Variants in ZEB1 observed in about 807,000 individuals in gnomAD.
ZEB1 encodes zinc finger E-box-binding homeobox 1.
Under a neutral mutation model 84.9 loss-of-function variants are expected in ZEB1, and 21 were observed. The ratio of observed to expected loss-of-function variants is 0.25; its 90% confidence interval spans 0.18 to 0.36. ZEB1 has a LOEUF of 0.36. Among genes scored for constraint, ZEB1 ranks in the 10% least tolerant of loss-of-function variants. The probability of loss-of-function intolerance (pLI) is 1.00; values close to 1 mark genes in which losing one functional copy is unlikely to be tolerated. For missense variants in ZEB1, 1,104 were observed against 1,330.2 expected, an observed-to-expected ratio of 0.83 and a Z score of 2.65; for synonymous variants, 420 against 471.1, an observed-to-expected ratio of 0.89 and a Z score of 1.41.
intron 1 of ZEB1, among the ~76,000 whole-genome samples, chr10:31,322,240 C>A (rs1202147563): frequency 1.3e-5 from 2 of 152,154 alleles, no homozygotes; most frequent in African/African-American, 2.4e-5. Context: ...TGTTGTGAAA[C>A]CTCAGTATAT....
At chr10:31,477,661 G>T (rs1425843554) in intron 2 of ZEB1, among the ~76,000 whole-genome samples, 1 of 151,588 alleles carries the variant, frequency 6.6e-6, no homozygotes, top group African/African-American at 2.4e-5. Flanking sequence ...TGATAAAGAT[G>T]GACACATAGA....
chr10:31,465,421 T>A (rs2062289306), intron 2 of ZEB1, among the ~76,000 whole-genome samples: 1 of 151,510 alleles, frequency 6.6e-6, no homozygotes, highest in Non-Finnish European at 1.5e-5. Context: ...AAAAAAACTG[T>A]GTTAGATACA....
intron 1 of ZEB1, among the ~76,000 whole-genome samples, chr10:31,331,869 A>C (rs2133286259): frequency 6.6e-6 from 1 of 152,302 alleles, no homozygotes; most frequent in South Asian, 2.1e-4. Flanking sequence ...AAGCAAATGA[A>C]GAAAAAATGC....
At chr10:31,512,586 T>C (rs551449425) in intron 5 of ZEB1, among the ~76,000 whole-genome samples, 339 of 152,318 alleles carry the variant, frequency 2.2e-3, no homozygotes, top group Middle Eastern at 6.8e-3. Context: ...TCTTATTAAC[T>C]TGTTTATTCA....
At chr10:31,417,998 G>A (rs148951733) in intron 1 of ZEB1, among the ~76,000 whole-genome samples, 231 of 152,112 alleles carry the variant, frequency 1.5e-3, no homozygotes, top group African/African-American at 4.6e-3. Context: ...TTCTAGGAGT[G>A]TCAAGCAAAC....
At chr10:31,355,987 G>A (rs985934551) in intron 1 of ZEB1, among the ~76,000 whole-genome samples, 1 of 152,098 alleles carries the variant, frequency 6.6e-6, no homozygotes, top group African/African-American at 2.4e-5. Flanking sequence ...GATGGTTACA[G>A]CAGTGGAGCT....
intron 1 of ZEB1, among the ~76,000 whole-genome samples, chr10:31,436,046 G>C (rs1046976992): frequency 1.3e-5 from 2 of 152,146 alleles, no homozygotes; most frequent in Non-Finnish European, 2.9e-5. Flanking sequence ...CAGGATGTCT[G>C]GGAAATTGAA....
chr10:31,322,537 A>G (rs2132977608), intron 1 of ZEB1, among the ~76,000 whole-genome samples: 1 of 152,338 alleles, frequency 6.6e-6, no homozygotes, highest in East Asian at 1.9e-4. Flanking sequence ...AGTATCAGGT[A>G]ATGTAACTGA....
chr10:31,520,763 C>T lies in ZEB1; in HGVS notation c.1431C>T (p.Asn477=). 1.2e-6 allele frequency: 2 copies of T among 1,614,050 alleles called. No homozygotes were observed. The highest frequency in any genetic ancestry group is 2.2e-5 in the South Asian group (2 of 91,084). The change falls in exon 7 of 9, where the codon AAC becomes AAT. Residue 477 remains asparagine (N), a synonymous_variant. Transcript: ENST00000424869. This position sits in a 1 kb window ranked among gnomAD's most constrained non-coding sequence, Gnocchi z 5.1. ...DQDGTTKIII[N]YSLEQPSQLQ... is the part of the protein sequence containing the mutation. ...ATGGAACAACCAAAATTATCATCAA[C>T]TACAGTCTTGAGCAGCCTAGCCAAC...
intron 1 of ZEB1, among the ~76,000 whole-genome samples, chr10:31,424,856 C>A (rs1327954599): frequency 1.3e-5 from 2 of 151,878 alleles, no homozygotes; most frequent in African/African-American, 4.8e-5. Flanking sequence ...TTTACATTTT[C>A]AGCTTAATCA....
In ZEB1 at chr10:31,396,150, G is replaced by T. The variant is rs78220455; in HGVS notation, c.59-64887G>T. On this transcript the variant is annotated intron_variant, in intron 1 of 8. Coordinates refer to ENST00000424869, the MANE Select transcript of ZEB1 (RefSeq NM_001174096.2). ...TTTTAAATTTTTGCCTCTAATTCAG[G>T]TTTACATTGAGCAACCAAATCAGTA... is the stretch of plus-strand genomic sequence containing the variant. Among the ~76,000 whole-genome samples, 851 of 152,168 alleles carry T rather than the reference G, an allele frequency of 5.6e-3. 13 individuals are homozygous for T. The highest frequency in any genetic ancestry group is 0.02 in the African/African-American group (816 of 41,522).
chr10:31,443,444 G>A (rs2059304035), intron 1 of ZEB1, among the ~76,000 whole-genome samples: 1 of 150,874 alleles, frequency 6.6e-6, no homozygotes, highest in Non-Finnish European at 1.5e-5. Context: ...TAAGTTTTAG[G>A]GTACATGTGC....
intron 1 of ZEB1, among the ~76,000 whole-genome samples, chr10:31,457,145 G>A (rs2061333341): frequency 6.6e-6 from 1 of 152,082 alleles, no homozygotes; most frequent in Admixed American, 6.6e-5. Flanking sequence ...ACCTATGATT[G>A]TTATTTTCAG....
chr10:31,331,345 C>CA (rs2133270164), intron 1 of ZEB1, among the ~76,000 whole-genome samples: 1 of 152,070 alleles, frequency 6.6e-6, no homozygotes, highest in East Asian at 1.9e-4. Flanking sequence ...CTCAGCCTCC[C>CA]AAAGTGCTGG....
Position 31,365,191 on chromosome 10 carries a change from G to A in ZEB1, c.58+45899G>A, listed in dbSNP as rs4085164. Among the ~76,000 whole-genome samples the A allele has an allele frequency of 3.9e-5, 6 of 152,330 alleles. No individual in the cohort carries two copies. The South Asian group carries it at 1.2e-3, about 32-fold the overall frequency. On this transcript the variant is annotated intron_variant, in intron 1 of 8. Transcript: ENST00000424869. ...CTGGAATGTGTCTAGAAAGCAAATA[G>A]ATTATTTACAAGTTCATAGTAGATC...
At chr10:31,466,995 C>G (rs943514768) in intron 2 of ZEB1, among the ~76,000 whole-genome samples, 2 of 152,152 alleles carry the variant, frequency 1.3e-5, no homozygotes, top group Admixed American at 1.3e-4. Context: ...TAAACCCTCA[C>G]ACTTTCAACA....
intron 1 of ZEB1, among the ~76,000 whole-genome samples, chr10:31,406,952 C>G (rs2053190681): frequency 6.6e-6 from 1 of 152,046 alleles, no homozygotes; most frequent in Non-Finnish European, 1.5e-5. Flanking sequence ...AATAGGGAAT[C>G]CTTTCCCCAT....
At chr10:31,411,853 C>G (rs1192877951) in intron 1 of ZEB1, among the ~76,000 whole-genome samples, 4 of 152,168 alleles carry the variant, frequency 2.6e-5, no homozygotes, top group African/African-American at 9.6e-5. Context: ...TTGAGAGTTA[C>G]CTTTTATTCT....
intron 1 of ZEB1, among the ~76,000 whole-genome samples, chr10:31,452,387 A>T (rs1271509633): frequency 6.6e-6 from 1 of 152,168 alleles, no homozygotes; most frequent in Non-Finnish European, 1.5e-5. Flanking sequence ...AAGTCAGATT[A>T]ACAAAAATTT....
Sources: gnomAD v4.1 joint callset for allele counts (sites outside exome capture counted in the v4.1 genomes callset) on GRCh38, gnomAD v4.1.1 for gene constraint, Gnocchi (gnomAD v3.1) non-coding constraint, MANE v1.5 for transcripts, NCBI Gene and HGNC (gene_info 2026-07-23, HGNC 2026-07-21) for gene names.